The following IL1RAPL2 variants were observed in gnomAD, a reference collection of about 807,000 sequenced individuals.
IL1RAPL2 encodes the protein interleukin 1 receptor accessory protein like 2.
IL1RAPL2 carries 3 observed loss-of-function variants against 44.1 expected under a neutral mutation model. The observed-to-expected ratio is 0.07, with a 90% confidence interval of 0.03 to 0.18. IL1RAPL2 has a LOEUF of 0.18. IL1RAPL2 is among the 10% of genes least tolerant of loss of function. IL1RAPL2 has a pLI of 1.00. For missense variants in IL1RAPL2, 391 were observed against 496.4 expected (o/e 0.79, Z 2.02); for synonymous variants, 181 against 178.8 (o/e 1.01, Z -0.10).
rs778258849 is a variant in IL1RAPL2, at chrX:104,740,040, TA to T, written c.82+81046del. On this transcript the variant is annotated intron_variant, in intron 2 of 10. Transcript: ENST00000372582. The stretch of plus-strand genomic sequence containing the variant: ...AGGTGTCTTAGGAAGTGGGTAAAAG[TA>T]GTATTTTACTAGAAACTATCAGCAG... 2.0e-4 allele frequency among the ~76,000 whole-genome samples: 22 copies of T among 111,493 alleles called. No individual in the cohort carries two copies. In the South Asian group the frequency reaches 5.7e-3, roughly 29 times the overall value.
At chrX:105,078,911 T>A (rs2032357911) in intron 2 of IL1RAPL2, among the ~76,000 whole-genome samples, 1 of 111,933 alleles carries the variant, frequency 8.9e-6, no homozygotes, top group Non-Finnish European at 1.9e-5. Flanking sequence ...AGTGACCCGA[T>A]TTTCCAGGTG....
chrX:104,802,054 T>C (rs1177265794), intron 2 of IL1RAPL2, among the ~76,000 whole-genome samples: 1 of 110,920 alleles, frequency 9.0e-6, no homozygotes, highest in Non-Finnish European at 1.9e-5. Context: ...ATCACAAAAA[T>C]CAGTCCAAGG....
chrX:104,777,757 T>G (rs1354511577), intron 2 of IL1RAPL2, among the ~76,000 whole-genome samples: 1 of 109,104 alleles, frequency 9.2e-6, no homozygotes. Context: ...TTTTTTTGTA[T>G]TTTTAGTAGA....
chrX:104,672,637 G>A (rs1272015219), intron 2 of IL1RAPL2, among the ~76,000 whole-genome samples: 1 of 102,767 alleles, frequency 9.7e-6, no homozygotes, highest in Non-Finnish European at 2.0e-5. Context: ...GGGTCAAATG[G>A]TATTTCCAGT....
chrX:105,029,542 G>T (rs747324231), intron 2 of IL1RAPL2, among the ~76,000 whole-genome samples: 2 of 106,452 alleles, frequency 1.9e-5, no homozygotes, highest in African/African-American at 6.8e-5. Flanking sequence ...GAGAATGATG[G>T]TTTCCAGTTT....
intron 5 of IL1RAPL2, among the ~76,000 whole-genome samples, chrX:105,357,044 T>C (rs1428575543): frequency 3.6e-5 from 4 of 111,733 alleles, no homozygotes; most frequent in African/African-American, 6.5e-5. Context: ...GACTATAAAA[T>C]TGATGCTTGT....
chrX:105,039,272 A>C (rs1403749919), intron 2 of IL1RAPL2, among the ~76,000 whole-genome samples: 1 of 112,032 alleles, frequency 8.9e-6, no homozygotes, highest in Non-Finnish European at 1.9e-5. Flanking sequence ...CCATGAAAAT[A>C]TTAGAATAAA....
intron 5 of IL1RAPL2, among the ~76,000 whole-genome samples, chrX:105,299,262 A>G (rs1009025332): frequency 8.9e-6 from 1 of 112,074 alleles, no homozygotes; most frequent in Non-Finnish European, 1.9e-5. Context: ...TACTGTTCCT[A>G]TAACCATAAT....
chrX:105,673,939 A>G lies in IL1RAPL2; in HGVS notation c.773-43428A>G, dbSNP rs1289669073. Among the ~76,000 whole-genome samples the G allele has an allele frequency of 3.6e-5, 4 of 111,034 alleles. No individual in the cohort carries two copies. In the East Asian group the frequency reaches 8.5e-4, roughly 24 times the overall value. On this transcript the variant is annotated intron_variant, in intron 6 of 10. Coordinates refer to ENST00000372582, the MANE Select transcript of IL1RAPL2 (RefSeq NM_017416.2). ...GATCAGTGATGTTGATCTTTTTTTC[A>G]TATGTTTGTGGGCTGTATGAATGTC...
rs369672753 is a variant in IL1RAPL2 at position 105,513,227 on chromosome X, A to G, written c.772+28840A>G. ...TATTGTGAATAATGCCGCAATAAAC[A>G]TACGTGTGCATGTGTCTTTATAGTA... is the stretch of plus-strand genomic sequence containing the variant. On this transcript the variant is annotated intron_variant, in intron 6 of 10. Transcript: ENST00000372582. 1.3e-3 allele frequency among the ~76,000 whole-genome samples: 147 copies of G among 111,766 alleles called. 1 individual carries two copies. Among genetic ancestry groups the G allele is most frequent in the African/African-American group, 4.5e-3 (137 of 30,688 alleles).
chrX:104,940,473 G>A (rs1349676821), intron 2 of IL1RAPL2, among the ~76,000 whole-genome samples: 1 of 111,554 alleles, frequency 9.0e-6, no homozygotes, highest in East Asian at 2.8e-4. Context: ...TCCCTGACTT[G>A]TGGCAATTAA....
intron 5 of IL1RAPL2, among the ~76,000 whole-genome samples, chrX:105,302,912 A>G (rs774427254): frequency 8.9e-6 from 1 of 112,125 alleles, no homozygotes; most frequent in East Asian, 2.8e-4. Flanking sequence ...GTTGAGACTT[A>G]GCTTCTGACC....
At chrX:105,251,681 G>A in intron 4 of IL1RAPL2, among the ~76,000 whole-genome samples, 1 of 109,092 alleles carries the variant, frequency 9.2e-6, no homozygotes, top group African/African-American at 3.3e-5. Context: ...CCATGTTTGA[G>A]GACTTGGATT....
chrX:105,759,808 T>G (rs1344556636), intron 10 of IL1RAPL2, among the ~76,000 whole-genome samples: 1 of 112,270 alleles, frequency 8.9e-6, no homozygotes, highest in Non-Finnish European at 1.9e-5. Context: ...TAGTCACTTC[T>G]GAAGTGAGGC....
At position 104,774,096 on chromosome X, in the gene IL1RAPL2, CGTTT is replaced by C. The variant is rs1487506212; in HGVS notation, c.82+115106_82+115109del. 4.5e-5 allele frequency among the ~76,000 whole-genome samples: 5 copies of C among 111,733 alleles called. No individual in the cohort carries two copies. In the East Asian group the frequency reaches 1.1e-3, roughly 25 times the overall value. On this transcript the variant is annotated intron_variant, in intron 2 of 10. Coordinates refer to ENST00000372582, the MANE Select transcript of IL1RAPL2 (RefSeq NM_017416.2). ...TCTCTTTAAATGGTAGTTTATTTCACGTTTGTTTAGTGATGCATTATGCCACGCT... is the reference window on the plus strand; with the variant it reads ...TCTCTTTAAATGGTAGTTTATTTCACGTTTAGTGATGCATTATGCCACGCT...
intron 5 of IL1RAPL2, among the ~76,000 whole-genome samples, chrX:105,446,988 G>T (rs1461067245): frequency 1.1e-5 from 1 of 94,146 alleles, no homozygotes; most frequent in Non-Finnish European, 2.1e-5. Flanking sequence ...TGGTGTTGAT[G>T]AAATCCTTTA....
intron 5 of IL1RAPL2, among the ~76,000 whole-genome samples, chrX:105,450,176 C>T (rs1289543424): frequency 8.9e-6 from 1 of 112,099 alleles, no homozygotes; most frequent in Non-Finnish European, 1.9e-5. Context: ...TGGCTTTATT[C>T]TTCATGGTGA....
At position 104,957,518 on chromosome X, in the gene IL1RAPL2, G is replaced by A. The variant is rs2029925175; in HGVS notation, c.83-237957G>A. Among the ~76,000 whole-genome samples the A allele has an allele frequency of 2.7e-5, 3 of 111,399 alleles. No homozygotes were observed. The Admixed American group carries it at 2.9e-4, about 11-fold the overall frequency. On this transcript the variant is annotated intron_variant, in intron 2 of 10. Transcript: ENST00000372582. ...TGAACCCATTCCACCTGATTATAGT[G>A]TAATTGGATTTTGAGGGACTTCAAG...
rs1317185694 is a variant in IL1RAPL2, at chrX:104,918,941, G to A, written c.82+259946G>A. Among the ~76,000 whole-genome samples the A allele has an allele frequency of 4.5e-5, 5 of 111,243 alleles. No individual in the cohort carries two copies. The East Asian group carries it at 1.4e-3, about 31-fold the overall frequency. The stretch of plus-strand genomic sequence containing the variant: ...CTAAGCCACCTTTACAAAACTTTAG[G>A]GATTTAATGAATATGGTTTGAAAAG... On this transcript the variant is annotated intron_variant, in intron 2 of 10. Coordinates refer to ENST00000372582, the MANE Select transcript of IL1RAPL2 (RefSeq NM_017416.2).
Sources: allele counts gnomAD v4.1 joint callset (sites outside exome capture counted in the v4.1 genomes callset), GRCh38; gene constraint gnomAD v4.1.1; transcripts MANE v1.5; gene names NCBI Gene and HGNC (gene_info 2026-07-23, HGNC 2026-07-21).